The following GRIA1 variants were observed in gnomAD, a reference collection of about 807,000 sequenced individuals.
GRIA1 encodes glutamate ionotropic receptor AMPA type subunit 1, also known as glutamate receptor 1.
A neutral mutation model predicts 99.2 loss-of-function variants in GRIA1; 31 were observed. The ratio of observed to expected loss-of-function variants is 0.31; its 90% CI spans 0.23 to 0.42. The LOEUF (loss-of-function observed/expected upper bound fraction) is 0.42, where lower values mean the gene tolerates loss of function less well. Among genes scored for constraint, GRIA1 ranks in the 10% least tolerant of loss-of-function variants. The pLI is 1.00. For synonymous variants in GRIA1, 438 were observed against 432.4 expected (o/e 1.01, Z -0.16); for missense variants, 782 against 1,157.5 (o/e 0.68, Z 4.71).
At chr5:153,546,656 AAC>A (rs1267907943) in intron 2 of GRIA1, among the ~76,000 whole-genome samples, 1 of 152,148 alleles carries the variant, frequency 6.6e-6, no homozygotes, top group East Asian at 1.9e-4. Context: ...GGCCCAAGGA[AAC>A]ACAGTTTATT....
intron 2 of GRIA1, among the ~76,000 whole-genome samples, chr5:153,602,329 A>G (rs1765046539): frequency 1.3e-5 from 2 of 150,780 alleles, no homozygotes; most frequent in African/African-American, 2.4e-5. Flanking sequence ...GAATTGAACA[A>G]TGAGAACACA....
chr5:153,632,962 G>A (rs1411871016), intron 2 of GRIA1, among the ~76,000 whole-genome samples: 1 of 152,208 alleles, frequency 6.6e-6, no homozygotes, highest in African/African-American at 2.4e-5. Flanking sequence ...TGAAGGATGT[G>A]TAGAAGTTTT....
intron 2 of GRIA1, among the ~76,000 whole-genome samples, chr5:153,609,041 C>T (rs1765716543): frequency 6.6e-6 from 1 of 152,134 alleles, no homozygotes; most frequent in Non-Finnish European, 1.5e-5. Context: ...GAGTCCCAGC[C>T]TAAAGTTGGG....
At chr5:153,687,438 G>C (rs1757418482) in intron 8 of GRIA1, among the ~76,000 whole-genome samples, 1 of 152,190 alleles carries the variant, frequency 6.6e-6, no homozygotes, top group Non-Finnish European at 1.5e-5. Context: ...TGATCTAAGA[G>C]TGTGCAGAAG....
At chr5:153,764,907 C>A (rs1233102093) in intron 12 of GRIA1, among the ~76,000 whole-genome samples, 1 of 152,168 alleles carries the variant, frequency 6.6e-6, no homozygotes, top group Non-Finnish European at 1.5e-5. Context: ...CAAAAGACAT[C>A]AAATACAATT....
chr5:153,648,344 C>T (rs1343013766), intron 3 of GRIA1, among the ~76,000 whole-genome samples: 2 of 152,034 alleles, frequency 1.3e-5, no homozygotes, highest in South Asian at 2.1e-4. Flanking sequence ...AGCTGGAGGC[C>T]TGGAAGTAAT....
intron 2 of GRIA1, among the ~76,000 whole-genome samples, chr5:153,543,866 C>T (rs889752722): frequency 6.6e-6 from 1 of 151,854 alleles, no homozygotes; most frequent in African/African-American, 2.4e-5. Context: ...TGCCTGCCCT[C>T]AGTGAGCTTT....
At chr5:153,679,626 T>G (rs186479093) in intron 7 of GRIA1, among the ~76,000 whole-genome samples, 3 of 152,346 alleles carry the variant, frequency 2.0e-5, no homozygotes, top group East Asian at 3.9e-4. Flanking sequence ...TCAGGACTAC[T>G]CTTCAGCAAT....
At chr5:153,551,852 C>T (rs1228200068) in intron 2 of GRIA1, among the ~76,000 whole-genome samples, 3 of 152,106 alleles carry the variant, frequency 2.0e-5, no homozygotes, top group African/African-American at 7.2e-5. Flanking sequence ...AAGAGTGTTT[C>T]CTTTCTGTGA....
intron 11 of GRIA1, among the ~76,000 whole-genome samples, chr5:153,715,925 C>A (rs920209709): frequency 2.0e-5 from 3 of 152,172 alleles, no homozygotes; most frequent in African/African-American, 7.2e-5. Context: ...CTGTCACTAA[C>A]TACCTGTGTA....
chr5:153,498,191 T>A (rs921811592), intron 2 of GRIA1, among the ~76,000 whole-genome samples: 1 of 152,172 alleles, frequency 6.6e-6, no homozygotes, highest in Non-Finnish European at 1.5e-5. Flanking sequence ...AGCCTCAATT[T>A]GCTGAGATGG....
intron 11 of GRIA1, 151 bp downstream of exon 11, chr5:153,706,218 A>G: frequency 1.4e-6 from 1 of 739,494 alleles, no homozygotes; most frequent in Admixed American, 2.5e-5. Context: ...TCAACTGTCC[A>G]TTGCACGCTG....
chr5:153,715,744 A>G (rs10035143), intron 11 of GRIA1, among the ~76,000 whole-genome samples: 24,339 of 152,110 alleles, frequency 0.16, 2,456 homozygotes, highest in East Asian at 0.52. Context: ...TCTGTTTCTT[A>G]TTGAGACTGG....
intron 2 of GRIA1, among the ~76,000 whole-genome samples, chr5:153,635,487 A>G (rs1298598103): frequency 2.0e-5 from 3 of 152,198 alleles, no homozygotes; most frequent in Non-Finnish European, 4.4e-5. Context: ...AGAGCTAGGT[A>G]GATGTACTCC....
chr5:153,655,040 C>A (rs1248385844), intron 4 of GRIA1, among the ~76,000 whole-genome samples: 1 of 152,154 alleles, frequency 6.6e-6, no homozygotes, highest in East Asian at 1.9e-4. Context: ...TAATGATTAA[C>A]CATAATCAAA....
intron 2 of GRIA1, among the ~76,000 whole-genome samples, chr5:153,502,089 T>C (rs757344304): frequency 6.6e-6 from 1 of 152,220 alleles, no homozygotes; most frequent in Non-Finnish European, 1.5e-5. Context: ...CCTTCTTCAC[T>C]GAGCCTTTTT....
chr5:153,607,636 T>A (rs919556598), intron 2 of GRIA1, among the ~76,000 whole-genome samples: 3 of 152,070 alleles, frequency 2.0e-5, no homozygotes, highest in Admixed American at 2.0e-4. Context: ...GATTGCAACA[T>A]TCATTCTTGG....
intron 2 of GRIA1, among the ~76,000 whole-genome samples, chr5:153,593,227 A>C (rs1764132197): frequency 6.6e-6 from 1 of 152,190 alleles, no homozygotes; most frequent in African/African-American, 2.4e-5. Context: ...ACATCACGCC[A>C]CTGCCCTCCC....
At chr5:153,685,425 G>A (rs1160579781) in intron 7 of GRIA1, among the ~76,000 whole-genome samples, 6 of 152,218 alleles carry the variant, frequency 3.9e-5, no homozygotes, top group Non-Finnish European at 2.9e-5. Flanking sequence ...CATTTGTGGA[G>A]AAGTCTCATG....
Sources: gnomAD v4.1 joint callset for allele counts (sites outside exome capture counted in the v4.1 genomes callset) on GRCh38, gnomAD v4.1.1 for gene constraint, MANE v1.5 for transcripts, NCBI Gene and HGNC (gene_info 2026-07-23, HGNC 2026-07-21) for gene names.